The following IFT27 variants were observed in gnomAD, a reference collection of about 807,000 sequenced individuals.
IFT27 encodes the protein intraflagellar transport 27.
A neutral mutation model predicts 23.9 loss-of-function variants in IFT27; 19 were observed. That is an observed-to-expected ratio of 0.79 (90% CI 0.55 to 1.16). The LOEUF is 1.16. Among genes scored for constraint, IFT27 ranks in the 50% most tolerant of loss-of-function variants. IFT27 has a pLI of 0.00. For synonymous variants in IFT27, 91 were observed against 89.1 expected (o/e 1.02, Z -0.12); for missense variants, 206 against 228.7 (o/e 0.90, Z 0.64).
chr22:36,775,452 A>T (rs1353088431), intron 1 of IFT27, among the ~76,000 whole-genome samples: 2 of 152,226 alleles, frequency 1.3e-5, no homozygotes, highest in Non-Finnish European at 2.9e-5. Context: ...GTCTCAGAGT[A>T]TGTGACAGGG....
chr22:36,765,370 C>T (rs1471678327), intron 4 of IFT27, among the ~76,000 whole-genome samples: 1 of 152,170 alleles, frequency 6.6e-6, no homozygotes, highest in East Asian at 1.9e-4. Context: ...TTCCCTTCTG[C>T]TGGGCATGGC....
chr22:36,769,747 C>T (rs1016153674), intron 1 of IFT27, among the ~76,000 whole-genome samples: 1 of 152,200 alleles, frequency 6.6e-6, no homozygotes, highest in Non-Finnish European at 1.5e-5. Flanking sequence ...CATCTCGGAG[C>T]AAACAGAGCG....
intron 2 of IFT27, 76 bp from the exon 3 acceptor site, chr22:36,767,441 C>A (rs182265901): frequency 3.8e-6 from 5 of 1,324,902 alleles, no homozygotes; most frequent in East Asian, 2.3e-5. Flanking sequence ...CACACAAGCA[C>A]CCCGATCCCA....
chr22:36,774,662 A>T (rs1473544991), intron 1 of IFT27, among the ~76,000 whole-genome samples: 1 of 146,432 alleles, frequency 6.8e-6, no homozygotes. Flanking sequence ...ACAAAAAAAA[A>T]TTAGCCGGGC....
At chr22:36,758,586 G>A in intron 6 of IFT27, 177 bp from the exon 7 acceptor site, 1 of 604,610 alleles carries the variant, frequency 1.7e-6, no homozygotes, top group East Asian at 2.8e-5. Context: ...CTCAGATGGA[G>A]TCAGGTAACT....
intron 1 of IFT27, among the ~76,000 whole-genome samples, chr22:36,771,819 A>G (rs1451412991): frequency 6.6e-6 from 1 of 151,934 alleles, no homozygotes; most frequent in Non-Finnish European, 1.5e-5. Flanking sequence ...GCTGTTATCC[A>G]CCCAGTGGGT....
At position 36,758,249 on chromosome 22, in the gene IFT27, T is replaced by C; in HGVS notation, c.*62A>G. The C allele has an allele frequency of 8.0e-7, 1 of 1,257,312 alleles. No homozygotes were observed. Among genetic ancestry groups the C allele is most frequent in the Admixed American group, 1.7e-5 (1 of 58,210 alleles). The allele number at this position is 1,257,312 out of a possible 1,614,324, so 77.9% of individuals were successfully genotyped here. On this transcript the variant is annotated 3_prime_UTR_variant, in exon 7 of 7. Coordinates refer to ENST00000433985, the MANE Select transcript of IFT27 (RefSeq NM_001177701.3). ...AATTTTATTTAAAGCCATCATTATATATTAAAAGAGCAGAGGTAATTCTGT... is the reference window on the plus strand; with the variant it reads ...AATTTTATTTAAAGCCATCATTATACATTAAAAGAGCAGAGGTAATTCTGT...
Position 36,762,900 on chromosome 22 carries a change from T to C in IFT27, c.462+4A>G, listed in dbSNP as rs1303969840. 1.3e-6 allele frequency: 2 copies of C among 1,548,964 alleles called. No homozygotes were observed. The highest frequency in any genetic ancestry group is 1.2e-5 in the South Asian group (1 of 82,330). ...TTGGCGACGAGGCAAGTGGAAATAC[T>C]CACCACGGATGTTTCAAAACATTCC... On this transcript the variant is annotated splice_donor_region_variant and intron_variant, in intron 6 of 6. Coordinates refer to ENST00000433985, the MANE Select transcript of IFT27 (RefSeq NM_001177701.3).
chr22:36,771,994 T>C (rs1349699237), intron 1 of IFT27, among the ~76,000 whole-genome samples: 1 of 152,178 alleles, frequency 6.6e-6, no homozygotes, highest in Admixed American at 6.5e-5. Flanking sequence ...GGGCTCTGCA[T>C]TCCTGTTCGC....
At chr22:36,765,893 G>A (rs954083534) in intron 4 of IFT27, among the ~76,000 whole-genome samples, 1 of 152,360 alleles carries the variant, frequency 6.6e-6, no homozygotes, top group Admixed American at 6.5e-5. Flanking sequence ...GGACCGAGCC[G>A]CAGGGCTCTT....
At chr22:36,759,465 G>C (rs893653163) in intron 6 of IFT27, 1 of 152,082 alleles carries the variant, frequency 6.6e-6, no homozygotes, top group Non-Finnish European at 1.5e-5. Flanking sequence ...TGGAAAAAAC[G>C]GGCCCCTCCA....
chr22:36,775,039 T>C (rs1938471427), intron 1 of IFT27, among the ~76,000 whole-genome samples: 1 of 152,242 alleles, frequency 6.6e-6, no homozygotes, highest in Non-Finnish European at 1.5e-5. Flanking sequence ...ATTCTAAAAG[T>C]ATTTATTGAG....
At chr22:36,770,190 G>A (rs564102984) in intron 1 of IFT27, among the ~76,000 whole-genome samples, 32 of 152,308 alleles carry the variant, frequency 2.1e-4, no homozygotes, top group African/African-American at 7.5e-4. Flanking sequence ...GCAAGGGCAC[G>A]ATGCGAGATC....
At chr22:36,772,496 A>G (rs1272797069) in intron 1 of IFT27, 1 of 985,264 alleles carries the variant, frequency 1.0e-6, no homozygotes, top group Non-Finnish European at 1.2e-6. Context: ...CAAAATACAG[A>G]TCAATGTCAA....
At chr22:36,767,467 G>T (rs989615233) in intron 2 of IFT27, 102 bp from the exon 3 acceptor site, 2 of 1,041,728 alleles carry the variant, frequency 1.9e-6, no homozygotes, top group African/African-American at 1.6e-5. Context: ...GCTATCTCCA[G>T]TGGAAGGGTT....
At chr22:36,773,988 A>G (rs779792068) in intron 1 of IFT27, among the ~76,000 whole-genome samples, 2 of 152,166 alleles carry the variant, frequency 1.3e-5, no homozygotes, top group Non-Finnish European at 2.9e-5. Flanking sequence ...ACCCAGAGAG[A>G]AGCCCATTTA....
intron 4 of IFT27, among the ~76,000 whole-genome samples, chr22:36,764,375 G>A (rs964134116): frequency 6.6e-6 from 1 of 152,246 alleles, no homozygotes. Context: ...AATTCAGGGA[G>A]GGTAAGTGAC....
chr22:36,774,893 T>C (rs1938468761), intron 1 of IFT27, among the ~76,000 whole-genome samples: 1 of 152,244 alleles, frequency 6.6e-6, no homozygotes, highest in Non-Finnish European at 1.5e-5. Context: ...ATATGTGTGC[T>C]TCACATGCAG....
chr22:36,765,174 C>T (rs1015291754), intron 4 of IFT27, among the ~76,000 whole-genome samples: 20 of 152,176 alleles, frequency 1.3e-4, no homozygotes, highest in Admixed American at 7.9e-4. Flanking sequence ...GTTACATGCA[C>T]GCAGGAGACA....
Sources: gnomAD v4.1 joint callset for allele counts (sites outside exome capture counted in the v4.1 genomes callset) on GRCh38, gnomAD v4.1.1 for gene constraint, MANE v1.5 for transcripts, NCBI Gene and HGNC (gene_info 2026-07-23, HGNC 2026-07-21) for gene names.